Variants in MYLK observed in about 807,000 individuals in gnomAD.
MYLK encodes myosin light chain kinase.
A neutral mutation model predicts 203.4 loss-of-function variants in MYLK; 106 were observed. The observed-to-expected ratio is 0.52, with a 90% CI of 0.45 to 0.61. MYLK has a LOEUF of 0.61. Among genes scored for constraint, MYLK ranks in the 20% least tolerant of loss-of-function variants. The pLI is 0.00. For synonymous variants in MYLK, 867 were observed against 959.5 expected (o/e 0.90, Z 1.78); for missense variants, 2,072 against 2,442.3 (o/e 0.85, Z 3.20).
chr3:123,620,571 G>A lies in MYLK; in HGVS notation c.5239-235C>T, dbSNP rs112539139. On this transcript the variant is annotated intron_variant, in intron 31 of 33. Coordinates refer to ENST00000360304, the MANE Select transcript of MYLK (RefSeq NM_053025.4). ...AATGGGGCCTGGAACTGATGTGTGC[G>A]TTAATGTGACTAAACAAGGTCAACA... 257 of 1,343,824 alleles carry A rather than the reference G, an allele frequency of 1.9e-4. No homozygotes were observed. In the African/African-American group the frequency reaches 3.1e-3, roughly 16 times the overall value. 83.2% of individuals were successfully genotyped at this position (1,343,824 alleles called of 1,614,324 possible). A position where few individuals can be genotyped will look rare whatever the true frequency, so the allele number is the denominator to read the frequency against.
rs1420834022 is a variant in MYLK, at chr3:123,734,047, G to A, written c.949C>T (p.Pro317Ser). The A allele has an allele frequency of 6.2e-7, 1 of 1,613,966 alleles. No individual in the cohort carries two copies. Among genetic ancestry groups the A allele is most frequent in the Non-Finnish European group, 8.5e-7 (1 of 1,179,976 alleles). ...CATGACTCCAGCTTGGACTCCCTTG[G>A]GGGCTGAGGCTGGCTGTTTGCAGCC... Reference protein sequence around the residue: ...PWAANSQPQPPRESKLESCKD... With the variant: ...PWAANSQPQPSRESKLESCKD... The change falls in exon 10 of 34, where the codon CCA becomes TCA. Residue 317 changes from proline (P) to serine (S), a missense_variant. Physicochemically the swap from Pro to Ser is moderately conservative, Grantham distance 74. Transcript: ENST00000360304.
intron 18 of MYLK, among the ~76,000 whole-genome samples, chr3:123,698,356 C>T (rs2061021516): frequency 6.6e-6 from 1 of 152,174 alleles, no homozygotes. Context: ...GATCAGAGAG[C>T]CAGGGGACAG....
Position 123,737,359 on chromosome 3 carries a change from G to T in MYLK, c.754+19C>A, listed in dbSNP as rs1337114945. The T allele has an allele frequency of 1.2e-6, 2 of 1,614,042 alleles. No homozygotes were observed. Among genetic ancestry groups the T allele is most frequent in the Admixed American group, 1.7e-5 (1 of 60,014 alleles). ...ACCAGGCAGGGATCGTTCTGCACTA[G>T]CCGTCCACTGGTCGATACCTTGGAT... On this transcript the variant is annotated intron_variant, in intron 8 of 33. Coordinates refer to ENST00000360304, the MANE Select transcript of MYLK (RefSeq NM_053025.4).
chr3:123,790,667 A>T lies in MYLK; in HGVS notation c.165+3010T>A, dbSNP rs114066942. Among the ~76,000 whole-genome samples the T allele has an allele frequency of 2.7e-3, 405 of 152,366 alleles. 1 individual carries two copies. Among genetic ancestry groups the T allele is most frequent in the African/African-American group, 9.1e-3 (380 of 41,582 alleles). The stretch of plus-strand genomic sequence containing the variant: ...TGGGGCAGAGTAGGCAACAGTTCTT[A>T]ACGTCTTACGAGAATAAAAACCAAA... On this transcript the variant is annotated intron_variant, in intron 4 of 33. Transcript: ENST00000360304.
intron 4 of MYLK, among the ~76,000 whole-genome samples, chr3:123,793,226 A>T (rs188236254): frequency 5.3e-5 from 8 of 152,306 alleles, no homozygotes; most frequent in Non-Finnish European, 1.2e-4. Flanking sequence ...AGGTCCTATC[A>T]CTGCTCCGGG....
chr3:123,782,559 G>A (rs1436553036), intron 4 of MYLK, among the ~76,000 whole-genome samples: 2 of 152,184 alleles, frequency 1.3e-5, no homozygotes, highest in Non-Finnish European at 2.9e-5. Flanking sequence ...TTGTATCTAT[G>A]TGAACAAATG....
At chr3:123,683,278 A>C (rs2060333772) in intron 19 of MYLK, among the ~76,000 whole-genome samples, 2 of 131,652 alleles carry the variant, frequency 1.5e-5, no homozygotes, top group Admixed American at 7.6e-5. Flanking sequence ...TGAGGAGAGG[A>C]AGCTAAGTGG....
chr3:123,673,849 C>T (rs1353798503), intron 20 of MYLK, among the ~76,000 whole-genome samples: 1 of 152,174 alleles, frequency 6.6e-6, no homozygotes, highest in Non-Finnish European at 1.5e-5. Context: ...GGCTGCTGGC[C>T]ATGGGACAGG....
chr3:123,828,417 C>T (rs1277679799), intron 3 of MYLK, among the ~76,000 whole-genome samples: 1 of 152,050 alleles, frequency 6.6e-6, no homozygotes, highest in African/African-American at 2.4e-5. Flanking sequence ...AAGAATAAGA[C>T]TAGACCCCCC....
chr3:123,726,049 AG>A lies in MYLK; in HGVS notation c.1545del (p.Phe516SerfsTer5). On this transcript the variant is annotated frameshift_variant, in exon 12 of 34. Coordinates refer to ENST00000360304, the MANE Select transcript of MYLK (RefSeq NM_053025.4). LOFTEE classifies it high-confidence loss of function. Reference protein sequence around the residue: ...ERLAVMEVAPSFSSVLKDCAV... With the variant: ...ERLAVMEVAPXFSSVLKDCAV... ...GCGCAGTCCTTCAGGACACTGGAGA[AG>A]GAGGGGGCCACCTCCATCACGGCAA... 6.2e-7 allele frequency: 1 copy of A among 1,614,158 alleles called. No individual in the cohort carries two copies. The highest frequency in any genetic ancestry group is 8.5e-7 in the Non-Finnish European group (1 of 1,180,018).
At chr3:123,677,247 G>A (rs2060100039) in intron 20 of MYLK, among the ~76,000 whole-genome samples, 1 of 152,230 alleles carries the variant, frequency 6.6e-6, no homozygotes, top group African/African-American at 2.4e-5. Flanking sequence ...GGCTGATGCT[G>A]ATGTCAGAGT....
intron 20 of MYLK, among the ~76,000 whole-genome samples, chr3:123,673,469 C>A (rs1324793144): frequency 6.6e-6 from 1 of 151,992 alleles, no homozygotes; most frequent in Admixed American, 6.6e-5. Flanking sequence ...CTGAAACAAA[C>A]AGATCCCCAG....
At position 123,735,205 on chromosome 3, in the gene MYLK, C is replaced by A. The variant is rs184716172; in HGVS notation, c.773+193G>T. ...AGTTTTCCAGTCTCAATACTGACAGCAACCTGAGATAGAACCCGTGTGTCA... is the reference window on the plus strand; with the variant it reads ...AGTTTTCCAGTCTCAATACTGACAGAAACCTGAGATAGAACCCGTGTGTCA... On this transcript the variant is annotated intron_variant, in intron 9 of 33. Coordinates refer to ENST00000360304, the MANE Select transcript of MYLK (RefSeq NM_053025.4). 3.1e-5 allele frequency: 23 copies of A among 736,988 alleles called. No individual in the cohort carries two copies. The African/African-American group carries it at 3.1e-4, about 10-fold the overall frequency. 45.7% of individuals were successfully genotyped at this position (736,988 alleles called of 1,614,324 possible).
intron 4 of MYLK, among the ~76,000 whole-genome samples, chr3:123,774,633 GGC>G (rs2064001085): frequency 6.6e-6 from 1 of 152,128 alleles, no homozygotes; most frequent in Non-Finnish European, 1.5e-5. Context: ...GTTATGGCAA[GGC>G]TTCCTAGTCT....
rs763254346 is a variant in MYLK at position 123,752,579 on chromosome 3, G to A, written c.166-41C>T. ...GAAAGGGTAAGAGCCTGTATTTCAT[G>A]AGTACTCTCTCTGTGTCAGGTATTG... On this transcript the variant is annotated intron_variant, in intron 4 of 33. Coordinates refer to ENST00000360304, the MANE Select transcript of MYLK (RefSeq NM_053025.4). 8.3e-6 allele frequency: 13 copies of A among 1,559,506 alleles called. No individual in the cohort carries two copies. In the East Asian group the frequency reaches 2.1e-4, roughly 25 times the overall value.
At chr3:123,709,700 A>G in intron 14 of MYLK, 56 bp downstream of exon 14, 2 of 1,610,538 alleles carry the variant, frequency 1.2e-6, no homozygotes, top group South Asian at 1.1e-5. Context: ...AGCAATACCC[A>G]TTGCAACCAA....
intron 3 of MYLK, among the ~76,000 whole-genome samples, chr3:123,811,513 G>T (rs1031789491): frequency 2.0e-5 from 3 of 152,180 alleles, no homozygotes; most frequent in Non-Finnish European, 4.4e-5. Flanking sequence ...GCATTGACCT[G>T]TTCAAAGGCC....
intron 29 of MYLK, 60 bp downstream of exon 29, chr3:123,638,011 A>G: frequency 6.2e-7 from 1 of 1,610,574 alleles, no homozygotes; most frequent in South Asian, 1.1e-5. Context: ...TGGAACCCTC[A>G]GCCCCCACCC....
At position 123,613,945 on chromosome 3, in the gene MYLK, G is replaced by T. The variant is rs2057320212; in HGVS notation, c.*160C>A. 1.2e-6 allele frequency: 1 copy of T among 803,264 alleles called. No individual in the cohort carries two copies. The highest frequency in any genetic ancestry group is 2.5e-5 in the East Asian group (1 of 40,376). The allele number at this position is 803,264 out of a possible 1,614,324, so 49.8% of individuals were successfully genotyped here. ...TTAATGCCCATCAATAACGCTGCTAGGTATCAACTGCTGTTTCTGAAGAAT... is the reference window on the plus strand; with the variant it reads ...TTAATGCCCATCAATAACGCTGCTATGTATCAACTGCTGTTTCTGAAGAAT... On this transcript the variant is annotated 3_prime_UTR_variant, in exon 34 of 34. Transcript: ENST00000360304.
Sources: allele counts gnomAD v4.1 joint callset (sites outside exome capture counted in the v4.1 genomes callset), GRCh38; gene constraint gnomAD v4.1.1; transcripts MANE v1.5; gene names NCBI Gene and HGNC (gene_info 2026-07-23, HGNC 2026-07-21).